Variants in ERC2 observed in about 807,000 individuals in gnomAD.
ERC2 encodes the protein ERC protein 2.
A neutral mutation model predicts 114.8 loss-of-function variants in ERC2; 42 were observed. The observed-to-expected ratio is 0.37, with a 90% confidence interval of 0.29 to 0.47. The LOEUF (loss-of-function observed/expected upper bound fraction) is 0.47. Among genes scored for constraint, ERC2 ranks in the 20% least tolerant of loss-of-function variants. The pLI, the probability that ERC2 is intolerant of heterozygous loss-of-function variation, is 0.99. For missense variants in ERC2, 939 were observed against 1,150.7 expected (o/e 0.82, Z 2.66); for synonymous variants, 454 against 425.5 (o/e 1.07, Z -0.82).
At chr3:55,782,844 G>A (rs2069167998) in intron 14 of ERC2, among the ~76,000 whole-genome samples, 1 of 152,198 alleles carries the variant, frequency 6.6e-6, no homozygotes, top group African/African-American at 2.4e-5. Flanking sequence ...GCCACTGACA[G>A]TTTAAATAGC....
At chr3:55,755,785 G>A (rs2067015974) in intron 14 of ERC2, among the ~76,000 whole-genome samples, 1 of 152,126 alleles carries the variant, frequency 6.6e-6, no homozygotes, top group African/African-American at 2.4e-5. Flanking sequence ...GCTCCCTCTT[G>A]TAGGAAACAG....
chr3:55,777,220 C>T (rs2068693987), intron 14 of ERC2, among the ~76,000 whole-genome samples: 1 of 152,206 alleles, frequency 6.6e-6, no homozygotes, highest in Non-Finnish European at 1.5e-5. Flanking sequence ...GTGCCAGGGA[C>T]ATCTGGCTTC....
intron 14 of ERC2, among the ~76,000 whole-genome samples, chr3:55,845,482 C>T (rs2061321776): frequency 1.7e-5 from 2 of 116,158 alleles, no homozygotes; most frequent in African/African-American, 3.5e-5. Context: ...CCAGCCTGGG[C>T]GACAGAGCGA....
At chr3:55,593,267 C>A (rs969165162) in intron 17 of ERC2, among the ~76,000 whole-genome samples, 1 of 152,290 alleles carries the variant, frequency 6.6e-6, no homozygotes, top group African/African-American at 2.4e-5. Context: ...ATGTGATAAC[C>A]ATCTGAGAGC....
intron 15 of ERC2, among the ~76,000 whole-genome samples, chr3:55,725,067 G>A (rs2064824904): frequency 6.6e-6 from 1 of 152,212 alleles, no homozygotes; most frequent in South Asian, 2.1e-4. Flanking sequence ...CTTGGCATTT[G>A]CATGCTATTC....
At position 56,327,657 on chromosome 3, in the gene ERC2, C is replaced by T. The variant is rs75860803; in HGVS notation, c.658-31222G>A. Among the ~76,000 whole-genome samples the T allele has an allele frequency of 9.1e-3, 1,379 of 152,252 alleles. 19 individuals are homozygous for T. Among genetic ancestry groups the T allele is most frequent in the African/African-American group, 0.03 (1,260 of 41,540 alleles). Reference sequence around the variant, plus strand: ...TACCACTGCACTCCGGTCTGGATAACAGAGCAAGACTCCATCTCAATCAAT... The same window carrying T: ...TACCACTGCACTCCGGTCTGGATAATAGAGCAAGACTCCATCTCAATCAAT... On this transcript the variant is annotated intron_variant, in intron 2 of 17. Transcript: ENST00000288221.
At chr3:55,543,226 C>T (rs2054517278) in intron 17 of ERC2, among the ~76,000 whole-genome samples, 1 of 152,194 alleles carries the variant, frequency 6.6e-6, no homozygotes, top group African/African-American at 2.4e-5. Flanking sequence ...GGGGCAGCAG[C>T]AAAAGGCTGT....
rs777019436 is a variant in ERC2 at position 56,434,791 on chromosome 3, T to C, written c.217A>G (p.Thr73Ala). The C allele has an allele frequency of 5.0e-6, 8 of 1,613,980 alleles. No individual in the cohort carries two copies. The highest frequency in any genetic ancestry group is 6.8e-6 in the Non-Finnish European group (8 of 1,179,894). Reference protein sequence around the residue: ...YLSDHEGVASTTYPKGTMTLG... With the variant: ...YLSDHEGVASATYPKGTMTLG... ...GTCATAGTGCCCTTTGGGTAGGTTGTTGAAGCCACCCCTTCATGATCACTC... is the reference window on the plus strand; with the variant it reads ...GTCATAGTGCCCTTTGGGTAGGTTGCTGAAGCCACCCCTTCATGATCACTC... The change falls in exon 2 of 18, where the codon ACA becomes GCA. Residue 73 changes from threonine (T) to alanine (A), a missense_variant. Thr to Ala is a moderately conservative substitution (Grantham distance 58, BLOSUM62 0). Transcript: ENST00000288221.
At position 55,734,943 on chromosome 3, in the gene ERC2, T is replaced by A. The variant is rs369995996; in HGVS notation, c.2565-25A>T. On this transcript the variant is annotated intron_variant, in intron 14 of 17. Coordinates refer to ENST00000288221, the MANE Select transcript of ERC2 (RefSeq NM_015576.3). ...TCTGGTAAAATAAAGATTATTGAGA[T>A]CATTTTTGTAAAATAAAAAAAAAAA... is the stretch of plus-strand genomic sequence containing the variant. 1.7e-5 allele frequency: 25 copies of A among 1,501,258 alleles called. No homozygotes were observed. In the African/African-American group the frequency reaches 3.4e-4, roughly 21 times the overall value. 93.0% of individuals were successfully genotyped at this position (1,501,258 alleles called of 1,614,324 possible).
intron 1 of ERC2, among the ~76,000 whole-genome samples, chr3:56,447,097 C>T (rs1011205809): frequency 1.2e-4 from 19 of 152,200 alleles, no homozygotes; most frequent in African/African-American, 4.6e-4. Context: ...CCCTCATGTT[C>T]CCATACAGGC....
chr3:55,944,666 T>C (rs1409026843), intron 13 of ERC2, among the ~76,000 whole-genome samples: 1 of 152,212 alleles, frequency 6.6e-6, no homozygotes, highest in African/African-American at 2.4e-5. Flanking sequence ...TGACAGTCTA[T>C]GAGTTACTAC....
intron 7 of ERC2, among the ~76,000 whole-genome samples, chr3:56,069,729 T>G (rs1451328475): frequency 6.6e-6 from 1 of 152,228 alleles, no homozygotes; most frequent in Non-Finnish European, 1.5e-5. Flanking sequence ...AAGGACTGAT[T>G]ATATGTGGGT....
chr3:55,935,306 G>A (rs779362468), intron 13 of ERC2, among the ~76,000 whole-genome samples: 1 of 152,186 alleles, frequency 6.6e-6, no homozygotes, highest in Non-Finnish European at 1.5e-5. Flanking sequence ...CCAGTTCCAC[G>A]GGGTGATAGC....
intron 17 of ERC2, among the ~76,000 whole-genome samples, chr3:55,539,411 C>CTTTTTTTTTTTTTTTTTTTTT (rs1559619170): frequency 4.1e-5 from 2 of 49,062 alleles, no homozygotes; most frequent in Admixed American, 2.9e-4. Context: ...CTCTTTTTTT[C>CTTTTTTTTTTTTTTTTTTTTT]TTTCTTTTTT....
intron 3 of ERC2, among the ~76,000 whole-genome samples, chr3:56,283,448 T>C (rs1288839919): frequency 1.3e-5 from 2 of 152,096 alleles, no homozygotes; most frequent in Non-Finnish European, 1.5e-5. Context: ...CTGGGCAACA[T>C]AGTAAGACCC....
intron 3 of ERC2, among the ~76,000 whole-genome samples, chr3:56,274,281 C>A (rs1333119961): frequency 6.6e-6 from 1 of 152,138 alleles, no homozygotes; most frequent in African/African-American, 2.4e-5. Context: ...TGGGGTGAAA[C>A]AGCTTCATCT....
At chr3:56,134,953 T>C (rs760824502) in intron 6 of ERC2, among the ~76,000 whole-genome samples, 17 of 151,948 alleles carry the variant, frequency 1.1e-4, no homozygotes, top group Non-Finnish European at 1.8e-4. Flanking sequence ...TTTTTGTTTT[T>C]GTTTTTGTTT....
chr3:56,447,200 G>T (rs1212259671), intron 1 of ERC2, among the ~76,000 whole-genome samples: 1 of 152,246 alleles, frequency 6.6e-6, no homozygotes, highest in African/African-American at 2.4e-5. Flanking sequence ...CGGGGGACTG[G>T]GTTGGCCTTC....
At chr3:56,432,053 A>G (rs1201000327) in intron 2 of ERC2, among the ~76,000 whole-genome samples, 2 of 152,222 alleles carry the variant, frequency 1.3e-5, no homozygotes, top group Non-Finnish European at 2.9e-5. Context: ...AAATGGACAA[A>G]TGGTTCGAAA....
Sources: allele counts gnomAD v4.1 joint callset (sites outside exome capture counted in the v4.1 genomes callset), GRCh38; gene constraint gnomAD v4.1.1; transcripts MANE v1.5; gene names NCBI Gene and HGNC (gene_info 2026-07-23, HGNC 2026-07-21).